Variants in VPS39 observed in about 807,000 individuals in gnomAD.
VPS39 encodes VPS39 subunit of HOPS complex.
In VPS39, 70 loss-of-function variants were observed where a neutral mutation model predicts 121.0. That is an observed-to-expected ratio of 0.58 (90% confidence interval 0.48 to 0.71). The LOEUF is 0.71. VPS39 is among the 30% of genes least tolerant of loss of function. The pLI, the probability that VPS39 is intolerant of heterozygous loss-of-function variation, is 0.00. For synonymous variants in VPS39, 378 were observed against 398.1 expected (o/e 0.95, Z 0.60); for missense variants, 818 against 1,051.5 (o/e 0.78, Z 3.07).
chr15:42,190,434 C>A (rs903554325), intron 4 of VPS39, among the ~76,000 whole-genome samples: 1 of 152,174 alleles, frequency 6.6e-6, no homozygotes, highest in African/African-American at 2.4e-5. Flanking sequence ...GTGAGATCAG[C>A]TGCTAGTCCC....
chr15:42,194,685 A>G (rs574328950), intron 2 of VPS39, among the ~76,000 whole-genome samples: 49 of 152,014 alleles, frequency 3.2e-4, no homozygotes, highest in African/African-American at 1.1e-3. Flanking sequence ...GTGAGTCATG[A>G]TTGCGCCACT....
At chr15:42,163,517 G>T in intron 20 of VPS39, 109 bp downstream of exon 20, 2 of 1,528,758 alleles carry the variant, frequency 1.3e-6, no homozygotes, top group Non-Finnish European at 9.0e-7. Context: ...GGACGGAGGC[G>T]ATTCTTGCTC....
At chr15:42,164,687 T>G in intron 18 of VPS39, 1 of 1,434,144 alleles carries the variant, frequency 7.0e-7, no homozygotes, top group South Asian at 1.5e-5. Context: ...AAAAATAAGC[T>G]GAATAGAGAA....
Position 42,174,382 on chromosome 15 carries a change from C to T in VPS39, c.961-530G>A, listed in dbSNP as rs2049407438. 2.0e-5 allele frequency among the ~76,000 whole-genome samples: 3 copies of T among 152,154 alleles called. No homozygotes were observed. In the South Asian group the frequency reaches 6.2e-4, roughly 32 times the overall value. ...AACACAACAGGGTTTCTACAAGATGCCTAACCGGTAATCTTGAAAATTGTC... is the reference window on the plus strand; with the variant it reads ...AACACAACAGGGTTTCTACAAGATGTCTAACCGGTAATCTTGAAAATTGTC... On this transcript the variant is annotated intron_variant, in intron 10 of 24. Coordinates refer to ENST00000318006, the MANE Select transcript of VPS39 (RefSeq NM_015289.5).
chr15:42,170,469 C>T (rs1019925803), intron 11 of VPS39, among the ~76,000 whole-genome samples: 16 of 152,258 alleles, frequency 1.1e-4, no homozygotes, highest in African/African-American at 3.9e-4. Context: ...TGCCACTGTA[C>T]TCCAGCATGG....
chr15:42,178,061 T>C (rs756932340), intron 10 of VPS39, among the ~76,000 whole-genome samples, 157 bp downstream of exon 10: 11 of 152,260 alleles, frequency 7.2e-5, no homozygotes, highest in Admixed American at 2.6e-4. Context: ...TAGAGTTACA[T>C]AGATATTTTA....
At chr15:42,198,243 G>A (rs2049986363) in intron 2 of VPS39, among the ~76,000 whole-genome samples, 1 of 152,152 alleles carries the variant, frequency 6.6e-6, no homozygotes, top group South Asian at 2.1e-4. Flanking sequence ...AACAATTGTT[G>A]AATGCTGAAT....
At chr15:42,165,620 G>T in intron 17 of VPS39, 98 bp downstream of exon 17, 1 of 942,740 alleles carries the variant, frequency 1.1e-6, no homozygotes, top group Non-Finnish European at 1.7e-6. Flanking sequence ...CAATCCCCAA[G>T]TGACATAAAT....
At chr15:42,186,392 G>A (rs1287122163) in intron 7 of VPS39, among the ~76,000 whole-genome samples, 1 of 152,182 alleles carries the variant, frequency 6.6e-6, no homozygotes. Context: ...AGTGAGCCAA[G>A]ATCCTGCCAC....
chr15:42,161,403 G>A, intron 24 of VPS39: 1 of 505,632 alleles, frequency 2.0e-6, no homozygotes, highest in Non-Finnish European at 3.6e-6. Context: ...CATCTCTTGG[G>A]CACCCACTAT....
At chr15:42,175,409 GA>G (rs772876964) in intron 10 of VPS39, among the ~76,000 whole-genome samples, 2,527 of 119,680 alleles carry the variant, frequency 0.021, 53 homozygotes, top group African/African-American at 0.066. Flanking sequence ...TCTGTCTCGG[GA>G]AAAAAAAAAA....
intron 12 of VPS39, 146 bp from the exon 13 acceptor site, chr15:42,167,683 GC>G: frequency 1.0e-6 from 1 of 999,702 alleles, no homozygotes; most frequent in Non-Finnish European, 1.5e-6. Flanking sequence ...CTGCCAAATT[GC>G]CACAGAGACA....
chr15:42,176,369 G>A (rs1279251241), intron 10 of VPS39, among the ~76,000 whole-genome samples: 6 of 151,738 alleles, frequency 4.0e-5, no homozygotes, highest in Admixed American at 6.6e-5. Flanking sequence ...TATTTTAAAC[G>A]TATACTAAAT....
intron 17 of VPS39, chr15:42,165,450 G>A (rs1044113255): frequency 1.9e-5 from 9 of 464,358 alleles, no homozygotes; most frequent in African/African-American, 3.9e-5. Context: ...TTTGAGTTTC[G>A]CTTTGGAATT....
chr15:42,179,452 C>A (rs939444211), intron 8 of VPS39, among the ~76,000 whole-genome samples: 6 of 151,204 alleles, frequency 4.0e-5, no homozygotes, highest in Non-Finnish European at 8.9e-5. Context: ...TGGCAGGCGC[C>A]TGTAGTCCCA....
At chr15:42,173,889 T>A (rs1157890122) in intron 10 of VPS39, 37 bp from the exon 11 acceptor site, 1 of 1,610,292 alleles carries the variant, frequency 6.2e-7, no homozygotes, top group Non-Finnish European at 8.5e-7. Flanking sequence ...GTTCACTCAC[T>A]CAACAAATAT....
chr15:42,188,405 CG>C (rs1181722802), intron 5 of VPS39, among the ~76,000 whole-genome samples: 1 of 152,092 alleles, frequency 6.6e-6, no homozygotes, highest in Non-Finnish European at 1.5e-5. Flanking sequence ...AAATAAAGAG[CG>C]ATATCTTTTC....
At chr15:42,178,829 C>A in intron 8 of VPS39, 1 of 405,050 alleles carries the variant, frequency 2.5e-6, no homozygotes, top group Admixed American at 3.7e-5. Flanking sequence ...TAGTGAGACA[C>A]TGCCTCAACA....
At chr15:42,181,301 C>A (rs1469543455) in intron 8 of VPS39, among the ~76,000 whole-genome samples, 1 of 152,068 alleles carries the variant, frequency 6.6e-6, no homozygotes, top group Non-Finnish European at 1.5e-5. Flanking sequence ...AAGGCAGTCA[C>A]AGAAAGACAA....
Sources: allele counts gnomAD v4.1 joint callset (sites outside exome capture counted in the v4.1 genomes callset), GRCh38; gene constraint gnomAD v4.1.1; transcripts MANE v1.5; gene names NCBI Gene and HGNC (gene_info 2026-07-23, HGNC 2026-07-21).